ZSWIM6: variants seen among roughly 807,000 people sequenced by gnomAD.
ZSWIM6 encodes the protein zinc finger SWIM domain-containing protein 6.
A neutral mutation model predicts 113.2 loss-of-function variants in ZSWIM6; 9 were observed. The ratio of observed to expected loss-of-function variants is 0.08; its 90% CI spans 0.05 to 0.14. ZSWIM6 has a LOEUF of 0.14. Ranked by LOEUF, ZSWIM6 falls within the 10% of genes least tolerant of loss-of-function variation. The probability of loss-of-function intolerance (pLI) is 1.00; values close to 1 mark genes in which losing one functional copy is unlikely to be tolerated. For missense variants in ZSWIM6, 1,162 were observed against 1,552.2 expected (o/e 0.75, Z 4.22); for synonymous variants, 611 against 606.5 (o/e 1.01, Z -0.11).
intron 1 of ZSWIM6, among the ~76,000 whole-genome samples, chr5:61,422,719 T>G (rs1746379814): frequency 6.6e-6 from 1 of 152,218 alleles, no homozygotes; most frequent in South Asian, 2.1e-4. Flanking sequence ...TTTCCATTTT[T>G]GTGTGTGTCT....
intron 4 of ZSWIM6, among the ~76,000 whole-genome samples, chr5:61,510,627 G>T (rs1158391573): frequency 6.6e-6 from 1 of 151,966 alleles, no homozygotes; most frequent in African/African-American, 2.4e-5. Flanking sequence ...AAGGAGAGTA[G>T]AAACATGCTG....
At chr5:61,410,584 A>C (rs1056833862) in intron 1 of ZSWIM6, among the ~76,000 whole-genome samples, 1 of 152,190 alleles carries the variant, frequency 6.6e-6, no homozygotes, top group African/African-American at 2.4e-5. Context: ...CTGGGATTAC[A>C]GGCATGAGCC....
intron 1 of ZSWIM6, among the ~76,000 whole-genome samples, chr5:61,406,689 C>CTTTT (rs1321456598): frequency 6.6e-5 from 8 of 120,936 alleles, no homozygotes; most frequent in Non-Finnish European, 8.7e-5. Context: ...TCTCAGAAAT[C>CTTTT]TTTTATTTAT....
chr5:61,436,495 C>T (rs1382294256), intron 1 of ZSWIM6, among the ~76,000 whole-genome samples: 2 of 152,166 alleles, frequency 1.3e-5, no homozygotes, highest in African/African-American at 2.4e-5. Context: ...TGTGAACTCA[C>T]TTATTTATGG....
chr5:61,371,884 A>G (rs1745271839), intron 1 of ZSWIM6, among the ~76,000 whole-genome samples: 1 of 152,144 alleles, frequency 6.6e-6, no homozygotes, highest in Non-Finnish European at 1.5e-5. Flanking sequence ...TTGATAAAGT[A>G]TATTTTAGAA....
At chr5:61,398,507 T>G (rs1055726020) in intron 1 of ZSWIM6, among the ~76,000 whole-genome samples, 1 of 152,106 alleles carries the variant, frequency 6.6e-6, no homozygotes, top group African/African-American at 2.4e-5. Flanking sequence ...CCAGGCAATG[T>G]TGTATAGTGT....
intron 9 of ZSWIM6, among the ~76,000 whole-genome samples, chr5:61,532,065 G>T (rs889909838): frequency 6.6e-6 from 1 of 152,134 alleles, no homozygotes; most frequent in South Asian, 2.1e-4. Flanking sequence ...ATTATTATTG[G>T]CAGGCATGTT....
intron 1 of ZSWIM6, chr5:61,391,200 C>T: frequency 2.3e-6 from 2 of 851,902 alleles, no homozygotes; most frequent in Non-Finnish European, 4.1e-6. Flanking sequence ...AGCCATTGCC[C>T]TTGGTCAACC....
chr5:61,367,880 G>A (rs1745192626), intron 1 of ZSWIM6, among the ~76,000 whole-genome samples: 1 of 152,050 alleles, frequency 6.6e-6, no homozygotes, highest in African/African-American at 2.4e-5. Flanking sequence ...CAACATTTTG[G>A]GAGGCCAAGA....
intron 1 of ZSWIM6, among the ~76,000 whole-genome samples, chr5:61,400,163 T>G (rs777498795): frequency 6.6e-5 from 10 of 152,182 alleles, no homozygotes; most frequent in Non-Finnish European, 1.2e-4. Context: ...CAACTTAATA[T>G]TAGGTAGCTT....
At chr5:61,402,300 GA>G (rs1745953842) in intron 1 of ZSWIM6, among the ~76,000 whole-genome samples, 1 of 152,142 alleles carries the variant, frequency 6.6e-6, no homozygotes, top group Non-Finnish European at 1.5e-5. Context: ...TCAATGGAGA[GA>G]ATGAATTTGA....
chr5:61,543,713 A>G lies in ZSWIM6; in HGVS notation c.3044A>G (p.Gln1015Arg). The G allele has an allele frequency of 1.9e-6, 3 of 1,551,716 alleles. No homozygotes were observed. The highest frequency in any genetic ancestry group is 2.6e-6 in the Non-Finnish European group (3 of 1,147,012). ...CACATAGCTTTTGAGACGGCGTACC[A>G]AATTGTTCTCGACGCTGCTACGACT... is the stretch of plus-strand genomic sequence containing the variant. Reference protein sequence around the residue: ...KDHIAFETAYQIVLDAATTGM... With the variant: ...KDHIAFETAYRIVLDAATTGM... Residue 1015 changes from glutamine (Q) to arginine (R), a missense_variant, in exon 14 of 14, where the codon CAA becomes CGA. Transcript: ENST00000252744. The surrounding 1 kb of genome is among the most constrained non-coding windows in gnomAD (Gnocchi z 4.3).
chr5:61,447,215 T>G (rs376638182), intron 1 of ZSWIM6, among the ~76,000 whole-genome samples: 3 of 152,088 alleles, frequency 2.0e-5, no homozygotes, highest in African/African-American at 7.2e-5. Flanking sequence ...ACCTAACTTA[T>G]GCAGATTCCA....
At chr5:61,370,225 A>G (rs566296053) in intron 1 of ZSWIM6, among the ~76,000 whole-genome samples, 3 of 152,352 alleles carry the variant, frequency 2.0e-5, no homozygotes, top group African/African-American at 7.2e-5. Context: ...TTAAATTTGC[A>G]AATACCCTAT....
intron 2 of ZSWIM6, among the ~76,000 whole-genome samples, chr5:61,478,644 T>C (rs1297985313): frequency 6.6e-6 from 1 of 152,060 alleles, no homozygotes; most frequent in Non-Finnish European, 1.5e-5. Flanking sequence ...TTGTTTCCAT[T>C]TTTCCCTGTA....
At chr5:61,427,350 T>A (rs1428048246) in intron 1 of ZSWIM6, among the ~76,000 whole-genome samples, 1 of 152,252 alleles carries the variant, frequency 6.6e-6, no homozygotes, top group African/African-American at 2.4e-5. Flanking sequence ...CTTTAAATAA[T>A]CTCTGGGTTA....
intron 1 of ZSWIM6, among the ~76,000 whole-genome samples, chr5:61,468,899 A>C (rs191730272): frequency 2.5e-3 from 384 of 152,352 alleles, no homozygotes; most frequent in African/African-American, 8.8e-3. Context: ...TAGTCTTATA[A>C]AGTAATATAC....
chr5:61,374,980 G>T, intron 1 of ZSWIM6: 1 of 893,384 alleles, frequency 1.1e-6, no homozygotes, highest in Non-Finnish European at 1.7e-6. Flanking sequence ...ATATAGAAAT[G>T]AGCATACAAT....
At chr5:61,409,293 T>C (rs1232154369) in intron 1 of ZSWIM6, among the ~76,000 whole-genome samples, 1 of 152,046 alleles carries the variant, frequency 6.6e-6, no homozygotes, top group Non-Finnish European at 1.5e-5. Context: ...ATTTTTGCTG[T>C]TTAAGGAGGT....
Sources: gnomAD v4.1 joint callset for allele counts (sites outside exome capture counted in the v4.1 genomes callset) on GRCh38, gnomAD v4.1.1 for gene constraint, Gnocchi (gnomAD v3.1) non-coding constraint, MANE v1.5 for transcripts, NCBI Gene and HGNC (gene_info 2026-07-23, HGNC 2026-07-21) for gene names.